Variants in EAF2 observed in about 807,000 individuals in gnomAD.
EAF2 encodes ELL associated factor 2.
In EAF2, 29 loss-of-function variants were observed where a neutral mutation model predicts 29.4. The observed-to-expected ratio is 0.99, with a 90% confidence interval of 0.73 to 1.35. The LOEUF (loss-of-function observed/expected upper bound fraction) is 1.35, where lower values mean the gene tolerates loss of function less well. Among genes scored for constraint, EAF2 ranks in the 40% most tolerant of loss-of-function variants. The pLI is 0.00. For synonymous variants in EAF2, 103 were observed against 102.5 expected (o/e 1.00, Z -0.03); for missense variants, 292 against 312.0 (o/e 0.94, Z 0.48).
intron 1 of EAF2, 144 bp downstream of exon 1, chr3:121,835,535 C>T: frequency 1.4e-6 from 1 of 718,244 alleles, no homozygotes; most frequent in Non-Finnish European, 2.4e-6. Context: ...GCGCGATCCT[C>T]TAACCTGCTC....
Position 121,835,222 on chromosome 3 carries a change from T to G in EAF2, c.-64T>G. The G allele has an allele frequency of 1.3e-6, 2 of 1,514,704 alleles. No individual in the cohort carries two copies. Among genetic ancestry groups the G allele is most frequent in the Non-Finnish European group, 1.8e-6 (2 of 1,090,414 alleles). The allele number at this position is 1,514,704 out of a possible 1,614,324, so 93.8% of individuals were successfully genotyped here. On this transcript the variant is annotated 5_prime_UTR_variant, in exon 1 of 6. Transcript: ENST00000273668. ...GCTGGCGGGATCAAGTGCAGCTGCTTCAGGCTGAGGTGGCAGATAGTGAGC... is the reference window on the plus strand; with the variant it reads ...GCTGGCGGGATCAAGTGCAGCTGCTGCAGGCTGAGGTGGCAGATAGTGAGC...
chr3:121,855,298 T>C lies in EAF2; in HGVS notation c.338+475T>C, dbSNP rs1708700426. ...AGAATATACCCATCTCAAATCCTTT[T>C]TGGAAATAGGTAACACATTACTTAC... On this transcript the variant is annotated intron_variant, in intron 3 of 5. Transcript: ENST00000273668. 2.0e-5 allele frequency among the ~76,000 whole-genome samples: 3 copies of C among 152,158 alleles called. No individual in the cohort carries two copies. The South Asian group carries it at 6.2e-4, about 31-fold the overall frequency.
At chr3:121,856,543 G>A (rs962283987) in intron 3 of EAF2, among the ~76,000 whole-genome samples, 4 of 152,152 alleles carry the variant, frequency 2.6e-5, no homozygotes, top group African/African-American at 7.2e-5. Flanking sequence ...GTGCAGTGGC[G>A]CAATCATAGC....
chr3:121,844,687 CTACTT>C, intron 2 of EAF2, 140 bp downstream of exon 2: 1 of 467,114 alleles, frequency 2.1e-6, no homozygotes, highest in Non-Finnish European at 3.7e-6. Context: ...ATATTTTAAA[CTACTT>C]TAGGCAAAAA....
chr3:121,860,273 G>A (rs1013928457), intron 4 of EAF2, among the ~76,000 whole-genome samples: 2 of 152,206 alleles, frequency 1.3e-5, no homozygotes, highest in Non-Finnish European at 1.5e-5. Context: ...ACCTCTGGTA[G>A]AATTCAGCTG....
intron 5 of EAF2, among the ~76,000 whole-genome samples, chr3:121,880,834 C>G (rs1709181195): frequency 1.3e-5 from 2 of 152,040 alleles, no homozygotes; most frequent in South Asian, 4.1e-4. Flanking sequence ...CGGCTTTTCC[C>G]CATTTAGTAT....
At chr3:121,876,269 A>G (rs1709093698) in intron 5 of EAF2, among the ~76,000 whole-genome samples, 1 of 151,978 alleles carries the variant, frequency 6.6e-6, no homozygotes, top group Non-Finnish European at 1.5e-5. Context: ...AAGGAATATA[A>G]TTCTACCTAG....
chr3:121,837,000 A>G (rs1420812460), intron 1 of EAF2, among the ~76,000 whole-genome samples: 1 of 152,210 alleles, frequency 6.6e-6, no homozygotes, highest in Non-Finnish European at 1.5e-5. Flanking sequence ...TGAAAATGCC[A>G]GTATCTTGAA....
intron 1 of EAF2, among the ~76,000 whole-genome samples, chr3:121,842,195 A>C (rs369106091): frequency 2.6e-4 from 40 of 152,218 alleles, no homozygotes; most frequent in African/African-American, 9.6e-4. Flanking sequence ...AAAAATAATA[A>C]TAATTAATAA....
chr3:121,854,973 A>G, intron 3 of EAF2, 150 bp downstream of exon 3: 1 of 843,796 alleles, frequency 1.2e-6, no homozygotes, highest in South Asian at 2.3e-5. Context: ...AATTTGGTGG[A>G]GATCCTAAGC....
Position 121,835,211 on chromosome 3 carries a change from G to A in EAF2, c.-75G>A. On this transcript the variant is annotated 5_prime_UTR_variant, in exon 1 of 6. The change creates a new upstream start codon in the 5' untranslated region. Coordinates refer to ENST00000273668, the MANE Select transcript of EAF2 (RefSeq NM_018456.6). ...TGGGTGACTTGGCTGGCGGGATCAA[G>A]TGCAGCTGCTTCAGGCTGAGGTGGC... The A allele has an allele frequency of 2.1e-6, 3 of 1,428,354 alleles. No individual in the cohort carries two copies. Among genetic ancestry groups the A allele is most frequent in the Non-Finnish European group, 3.0e-6 (3 of 1,013,532 alleles). 88.5% of individuals were successfully genotyped at this position (1,428,354 alleles called of 1,614,324 possible).
At chr3:121,839,639 G>A (rs948939981) in intron 1 of EAF2, among the ~76,000 whole-genome samples, 1 of 152,152 alleles carries the variant, frequency 6.6e-6, no homozygotes, top group Non-Finnish European at 1.5e-5. Flanking sequence ...GAGATTGAGA[G>A]TTTTGAAGTA....
chr3:121,871,756 T>G (rs1203122028), intron 4 of EAF2, among the ~76,000 whole-genome samples: 1 of 151,954 alleles, frequency 6.6e-6, no homozygotes, highest in Non-Finnish European at 1.5e-5. Context: ...TTTAAAAAAT[T>G]TTGTTCAACT....
chr3:121,873,707 G>C (rs1435690290), intron 5 of EAF2, among the ~76,000 whole-genome samples: 2 of 151,688 alleles, frequency 1.3e-5, no homozygotes, highest in East Asian at 3.9e-4. Context: ...CTAACAACAT[G>C]TGCTTTCTTT....
rs1406703983 is a variant in EAF2 at position 121,863,629 on chromosome 3, C to T, written c.484+6473C>T. 1.3e-5 allele frequency among the ~76,000 whole-genome samples: 2 copies of T among 152,126 alleles called. 1 individual carries two copies. Among genetic ancestry groups the T allele is most frequent in the South Asian group, 4.1e-4 (2 of 4,830 alleles). ...CTGCCCTTTGCTAGGAAAGGGAATTCCCCGACCCCTCGCACTTCCCGGGTG... is the reference window on the plus strand; with the variant it reads ...CTGCCCTTTGCTAGGAAAGGGAATTTCCCGACCCCTCGCACTTCCCGGGTG... On this transcript the variant is annotated intron_variant, in intron 4 of 5. Coordinates refer to ENST00000273668, the MANE Select transcript of EAF2 (RefSeq NM_018456.6).
At chr3:121,884,902 C>T (rs1709258053) in intron 5 of EAF2, among the ~76,000 whole-genome samples, 1 of 152,054 alleles carries the variant, frequency 6.6e-6, no homozygotes, top group African/African-American at 2.4e-5. Context: ...TTTTTTTAAC[C>T]ATTGTAATTT....
chr3:121,863,320 C>T (rs1435457970), intron 4 of EAF2, among the ~76,000 whole-genome samples: 2 of 152,154 alleles, frequency 1.3e-5, no homozygotes, highest in African/African-American at 4.8e-5. Context: ...AGGCAGGCCT[C>T]CTTGAGCTGC....
intron 5 of EAF2, among the ~76,000 whole-genome samples, chr3:121,873,353 G>A (rs1020725795): frequency 6.6e-6 from 1 of 151,732 alleles, no homozygotes; most frequent in Non-Finnish European, 1.5e-5. Context: ...TATTTTCAAT[G>A]GCTGAAGTTC....
At chr3:121,837,479 G>C (rs1010753874) in intron 1 of EAF2, 3 of 152,104 alleles carry the variant, frequency 2.0e-5, no homozygotes, top group African/African-American at 4.8e-5. Context: ...GTGAATCCTG[G>C]TCTCCACCAC....
Sources: gnomAD v4.1 joint callset for allele counts (sites outside exome capture counted in the v4.1 genomes callset) on GRCh38, gnomAD v4.1.1 for gene constraint, MANE v1.5 for transcripts, NCBI Gene and HGNC (gene_info 2026-07-23, HGNC 2026-07-21) for gene names.